Variants in CD82 observed in about 807,000 individuals in gnomAD.
The protein encoded by CD82 is CD82 molecule.
Under a neutral mutation model 37.4 loss-of-function variants are expected in CD82, and 36 were observed. That is an observed-to-expected ratio of 0.96 (90% CI 0.74 to 1.27). CD82 has a LOEUF of 1.27. CD82 is among the 50% of genes most tolerant of loss of function. CD82 has a pLI of 0.00. For synonymous variants in CD82, 158 were observed against 137.4 expected (o/e 1.15, Z -1.05); for missense variants, 340 against 347.0 (o/e 0.98, Z 0.16).
chr11:44,578,770 G>A (rs541875083), intron 1 of CD82, among the ~76,000 whole-genome samples: 1 of 152,134 alleles, frequency 6.6e-6, no homozygotes, highest in Non-Finnish European at 1.5e-5. Context: ...ACTGGACCAG[G>A]GGGGATGGGG....
intron 6 of CD82, among the ~76,000 whole-genome samples, chr11:44,612,779 C>G (rs1467863721): frequency 6.6e-6 from 1 of 151,666 alleles, no homozygotes; most frequent in East Asian, 1.9e-4. Flanking sequence ...ACTACAGGCA[C>G]CTGCCATTCA....
At chr11:44,575,578 G>C (rs1216646409) in intron 1 of CD82, among the ~76,000 whole-genome samples, 2 of 152,202 alleles carry the variant, frequency 1.3e-5, no homozygotes, top group Admixed American at 1.3e-4. Context: ...ACGTTCCCAG[G>C]GGACGCTGCA....
At chr11:44,603,649 G>A (rs1853345288) in intron 4 of CD82, among the ~76,000 whole-genome samples, 1 of 152,194 alleles carries the variant, frequency 6.6e-6, no homozygotes, top group Admixed American at 6.5e-5. Flanking sequence ...CGCCCTCCAG[G>A]TGCGTCCCAT....
chr11:44,572,693 G>C (rs1021364916), intron 1 of CD82, among the ~76,000 whole-genome samples: 4 of 152,214 alleles, frequency 2.6e-5, no homozygotes, highest in Admixed American at 2.6e-4. Flanking sequence ...TGGGTGGTGT[G>C]TAGAAAGCTT....
intron 1 of CD82, among the ~76,000 whole-genome samples, chr11:44,583,555 G>C (rs1012594622): frequency 2.0e-5 from 3 of 152,190 alleles, no homozygotes; most frequent in African/African-American, 7.2e-5. Flanking sequence ...GGCGGCAGAG[G>C]TGTGGAAGGG....
intron 1 of CD82, among the ~76,000 whole-genome samples, chr11:44,571,721 T>A (rs906025972): frequency 6.6e-6 from 1 of 152,130 alleles, no homozygotes; most frequent in African/African-American, 2.4e-5. Flanking sequence ...ATTTCAGGCA[T>A]GCACCACCAC....
chr11:44,612,720 C>T (rs745365162), intron 6 of CD82, among the ~76,000 whole-genome samples: 6 of 148,666 alleles, frequency 4.0e-5, no homozygotes, highest in Non-Finnish European at 7.4e-5. Context: ...GCAACCTCCA[C>T]CTCTCGGGTT....
At chr11:44,582,091 T>C (rs1852987266) in intron 1 of CD82, among the ~76,000 whole-genome samples, 1 of 152,158 alleles carries the variant, frequency 6.6e-6, no homozygotes, top group Non-Finnish European at 1.5e-5. Flanking sequence ...AACTCCAAAG[T>C]CAGAGAGTCT....
rs760351929 is a variant in CD82 at position 44,618,326 on chromosome 11, G to T, written c.603G>T (p.Gln201His). 5 of 1,613,608 alleles carry T rather than the reference G, an allele frequency of 3.1e-6. No individual in the cohort carries two copies. Among genetic ancestry groups the T allele is most frequent in the Non-Finnish European group, 1.7e-6 (2 of 1,180,038 alleles). The change falls in exon 8 of 10, where the codon CAG (glutamine) becomes CAT (histidine). Residue 201 changes from glutamine (Q) to histidine (H), a missense_variant. Gln to His is a conservative substitution (Grantham distance 24). Coordinates refer to ENST00000227155, the MANE Select transcript of CD82 (RefSeq NM_002231.4). The part of the protein sequence containing the change: ...GFCEAPGNRT[Q>H]SGNHPEDWPV... Reference sequence around the variant, plus strand: ...GCGAGGCCCCCGGCAACAGGACCCAGAGTGGCAACCACCCTGAGGACTGGC... The same window carrying T: ...GCGAGGCCCCCGGCAACAGGACCCATAGTGGCAACCACCCTGAGGACTGGC...
rs769486957 is a variant in CD82 at position 44,605,120 on chromosome 11, A to C, written c.199A>C (p.Met67Leu). The C allele has an allele frequency of 6.2e-7, 1 of 1,614,028 alleles. No homozygotes were observed. Among genetic ancestry groups the C allele is most frequent in the Admixed American group, 1.7e-5 (1 of 59,994 alleles). Residue 67 changes from methionine (M) to leucine (L), a missense_variant, in exon 5 of 10, where the codon ATG (methionine) becomes CTG (leucine). Met to Leu is a conservative substitution (Grantham distance 15). Transcript: ENST00000227155. ...YVFIGVGAVT[M>L]LMGFLGCIGA... Reference sequence around the variant, plus strand: ...CTTCATCGGCGTGGGGGCAGTCACTATGCTCATGGGCTTCCTGGGCTGCAT... The same window carrying C: ...CTTCATCGGCGTGGGGGCAGTCACTCTGCTCATGGGCTTCCTGGGCTGCAT...
rs909730038 is a variant in CD82 at position 44,594,829 on chromosome 11, G to A, written c.63+104G>A. On this transcript the variant is annotated intron_variant, in intron 3 of 9. Transcript: ENST00000227155. ...AGCCGACCGGGCCGGGGATTGGGGG[G>A]ATTTGGTGGGTAGGGACTGAGGACG... 6.4e-6 allele frequency: 6 copies of A among 936,220 alleles called. No individual in the cohort carries two copies. In the Admixed American group the frequency reaches 1.0e-4, roughly 16 times the overall value. The allele number at this position is 936,220 out of a possible 1,614,324, so 58.0% of individuals were successfully genotyped here.
In CD82 at chr11:44,600,244, A is replaced by G. The variant is rs779313004; in HGVS notation, c.136+14A>G. 1.2e-6 allele frequency: 2 copies of G among 1,613,056 alleles called. No homozygotes were observed. Among genetic ancestry groups the G allele is most frequent in the African/African-American group, 1.3e-5 (1 of 74,868 alleles). On this transcript the variant is annotated intron_variant, in intron 4 of 9. Transcript: ENST00000227155. ...TCTCTGTCCTGCGTAAGGACCCCTCAGCTTCCCCAGACCCAGGCCCACTGA... is the reference window on the plus strand; with the variant it reads ...TCTCTGTCCTGCGTAAGGACCCCTCGGCTTCCCCAGACCCAGGCCCACTGA...
chr11:44,604,949 A>G (rs1266341033), intron 4 of CD82, 109 bp from the exon 5 acceptor site: 5 of 1,492,678 alleles, frequency 3.3e-6, no homozygotes, highest in African/African-American at 2.8e-5. Context: ...AATGCAGCTG[A>G]CCCCAACACC....
At position 44,619,888 on chromosome 11, in the gene CD82, T is replaced by C. The variant is rs1288452163; in HGVS notation, c.*762T>C. 1 of 152,140 alleles carries C rather than the reference T, an allele frequency of 6.6e-6. No individual in the cohort carries two copies. Among genetic ancestry groups the C allele is most frequent in the Non-Finnish European group, 1.5e-5 (1 of 68,028 alleles). The allele number at this position is 152,140 out of a possible 1,614,324, so 9.4% of individuals were successfully genotyped here. On this transcript the variant is annotated 3_prime_UTR_variant, in exon 10 of 10. Coordinates refer to ENST00000227155, the MANE Select transcript of CD82 (RefSeq NM_002231.4). ...TCCCACTATGACATTTATATCTTTA[T>C]TTTTCACAATTATATTGAAGGCAGT...
At chr11:44,583,221 G>A (rs1202124476) in intron 1 of CD82, among the ~76,000 whole-genome samples, 1 of 152,152 alleles carries the variant, frequency 6.6e-6, no homozygotes, top group Non-Finnish European at 1.5e-5. Flanking sequence ...GAAAGCAAGA[G>A]GTCAGAGGCT....
intron 4 of CD82, among the ~76,000 whole-genome samples, chr11:44,602,260 G>A (rs903823030): frequency 3.3e-5 from 5 of 152,306 alleles, no homozygotes; most frequent in South Asian, 2.1e-4. Context: ...GCTGGGGTTC[G>A]ATTCACGGCG....
Position 44,600,166 on chromosome 11 carries a change from C to T in CD82, c.72C>T (p.Gly24=), listed in dbSNP as rs535717592. Residue 24 remains glycine, a synonymous_variant, in exon 4 of 10, where the codon GGC becomes GGT. Transcript: ENST00000227155. ...CTCCCTTCTCCTTCCAGATCCTGGG[C>T]GCAGTGATCCTGGGCTTCGGGGTGT... ...FLFNLIFFIL[G]AVILGFGVWI... 2.9e-5 allele frequency: 47 copies of T among 1,614,020 alleles called. No homozygotes were observed. The highest frequency in any genetic ancestry group is 6.7e-5 in the African/African-American group (5 of 75,026).
intron 7 of CD82, among the ~76,000 whole-genome samples, chr11:44,617,401 A>G (rs1317917778): frequency 6.6e-6 from 1 of 152,076 alleles, no homozygotes; most frequent in East Asian, 1.9e-4. Context: ...TCTACTAAAA[A>G]TACAAACATT....
At chr11:44,612,552 TA>T (rs1210248658) in intron 6 of CD82, among the ~76,000 whole-genome samples, 7 of 138,666 alleles carry the variant, frequency 5.0e-5, no homozygotes, top group East Asian at 2.1e-4. Flanking sequence ...TTTTTTTTTT[TA>T]AATATCATGC....
Sources: gnomAD v4.1 joint callset for allele counts (sites outside exome capture counted in the v4.1 genomes callset) on GRCh38, gnomAD v4.1.1 for gene constraint, MANE v1.5 for transcripts, NCBI Gene and HGNC (gene_info 2026-07-23, HGNC 2026-07-21) for gene names.